The following HECTD4 variants were observed in gnomAD, a reference collection of about 807,000 sequenced individuals.
HECTD4 encodes the protein probable E3 ubiquitin-protein ligase HECTD4.
HECTD4 carries 114 observed loss-of-function variants against 471.5 expected under a neutral mutation model. That is an observed-to-expected ratio of 0.24 (90% CI 0.21 to 0.28). The LOEUF is 0.28. HECTD4 is among the 10% of genes least tolerant of loss of function. The pLI is 1.00. For missense variants in HECTD4, 3,866 were observed against 5,651.5 expected (o/e 0.68, Z 10.13); for synonymous variants, 2,012 against 2,256.0 (o/e 0.89, Z 3.07).
In HECTD4 at chr12:112,259,316, G is replaced by A. The variant is rs1216351686; in HGVS notation, c.2874-51C>T. ...CAGCCTAAGCAATGCCCAAACATGT[G>A]AAGAAGCACTAATGTCATCTTTATC... On this transcript the variant is annotated intron_variant, in intron 18 of 75. Transcript: ENST00000682272. The A allele has an allele frequency of 1.9e-6, 3 of 1,583,822 alleles. No homozygotes were observed. In the African/African-American group the frequency reaches 4.1e-5, roughly 21 times the overall value.
chr12:112,359,053 G>C (rs1464468142), intron 1 of HECTD4, among the ~76,000 whole-genome samples: 1 of 152,104 alleles, frequency 6.6e-6, no homozygotes, highest in Non-Finnish European at 1.5e-5. Context: ...GCGGATGCCT[G>C]TAGTCCCAGC....
intron 7 of HECTD4, among the ~76,000 whole-genome samples, chr12:112,283,817 G>A (rs2034692848): frequency 6.6e-6 from 1 of 152,176 alleles, no homozygotes; most frequent in South Asian, 2.1e-4. Flanking sequence ...ACTTCAACTG[G>A]ATCTTTGCTG....
chr12:112,204,757 G>A (rs1409442575), intron 52 of HECTD4, 134 bp from the exon 53 acceptor site: 15 of 705,666 alleles, frequency 2.1e-5, no homozygotes, highest in Non-Finnish European at 1.9e-5. Context: ...ACCCTTTGGC[G>A]AAGGAAATTG....
intron 5 of HECTD4, 144 bp from the exon 6 acceptor site, chr12:112,309,035 T>A: frequency 1.1e-6 from 1 of 870,504 alleles, no homozygotes; most frequent in Non-Finnish European, 1.7e-6. Context: ...GTGAATGTAT[T>A]ACATTAACTT....
chr12:112,311,680 T>A (rs2035375294), intron 4 of HECTD4, among the ~76,000 whole-genome samples: 1 of 150,812 alleles, frequency 6.6e-6, no homozygotes, highest in Admixed American at 6.6e-5. Context: ...GAAAACCATT[T>A]CTCCCTAGAT....
Position 112,184,548 on chromosome 12 carries a change from G to T in HECTD4, c.10418C>A (p.Thr3473Lys), listed in dbSNP as rs199505291. Reference protein sequence around the residue: ...FPGTDSMEVSTSSSLTPAMSI... With the variant: ...FPGTDSMEVSKSSSLTPAMSI... ...CATGGCGGGGGTCAGGCTGCTGGAC[G>T]TGCTGACCTCCATGCTGTCTGTGCC... Residue 3473 changes from threonine (T) to lysine (K), a missense_variant, in exon 61 of 76, where the codon ACG becomes AAG. By Grantham distance (78) the Thr-to-Lys change is moderately conservative. Transcript: ENST00000682272. This position sits in a 1 kb window ranked among gnomAD's most constrained non-coding sequence, Gnocchi z 9.1. 2.5e-6 allele frequency: 4 copies of T among 1,612,576 alleles called. No individual in the cohort carries two copies. Among genetic ancestry groups the T allele is most frequent in the Non-Finnish European group, 2.5e-6 (3 of 1,179,808 alleles).
At chr12:112,227,132 C>T (rs1380950411) in intron 43 of HECTD4, among the ~76,000 whole-genome samples, 1 of 152,186 alleles carries the variant, frequency 6.6e-6, no homozygotes, top group African/African-American at 2.4e-5. Flanking sequence ...ATCGCTCTCA[C>T]CTGATTCAAA....
chr12:112,217,017 G>A lies in HECTD4; in HGVS notation c.7236+17C>T, dbSNP rs752452143. 1 of 1,589,318 alleles carries A rather than the reference G, an allele frequency of 6.3e-7. No homozygotes were observed. The highest frequency in any genetic ancestry group is 8.6e-7 in the Non-Finnish European group (1 of 1,162,932). Reference sequence around the variant, plus strand: ...AATCTGAAGATGCAAAAGACAGTGTGTCATGTGATGTCTCACCTGAACTGG... The same window carrying A: ...AATCTGAAGATGCAAAAGACAGTGTATCATGTGATGTCTCACCTGAACTGG... On this transcript the variant is annotated intron_variant, in intron 46 of 75. Coordinates refer to ENST00000682272, the MANE Select transcript of HECTD4 (RefSeq NM_001388303.1).
intron 65 of HECTD4, 109 bp from the exon 66 acceptor site, chr12:112,175,968 A>G (rs1398845314): frequency 7.4e-7 from 1 of 1,350,596 alleles, no homozygotes; most frequent in Non-Finnish European, 1.0e-6. Context: ...CAACCCATCT[A>G]ATTCCCCTCT....
At chr12:112,242,418 G>A (rs1313786612) in intron 32 of HECTD4, among the ~76,000 whole-genome samples, 1 of 151,400 alleles carries the variant, frequency 6.6e-6, no homozygotes, top group East Asian at 2.0e-4. Flanking sequence ...TTTGAGACCA[G>A]CCTGGGCAAC....
rs747421304 is a variant in HECTD4, at chr12:112,185,381, A to G, written c.9585T>C (p.Ala3195=). The change falls in exon 61 of 76, where the codon GCT becomes GCC. Residue 3195 remains alanine (A), a synonymous_variant. Transcript: ENST00000682272. ...VHTLEQRRHP[A]GLSSSIALQL... ...GGAGGGCGATTGAGGAGGACAGGCC[A>G]GCGGGGTGCCGCCTCTGCTCCAGGG... is the stretch of plus-strand genomic sequence containing the variant. 1.1e-5 allele frequency: 17 copies of G among 1,611,558 alleles called. No homozygotes were observed. Among genetic ancestry groups the G allele is most frequent in the African/African-American group, 1.3e-5 (1 of 74,922 alleles).
intron 1 of HECTD4, chr12:112,322,190 C>T (rs1042324872): frequency 6.6e-6 from 1 of 150,826 alleles, no homozygotes; most frequent in Non-Finnish European, 1.5e-5. Flanking sequence ...ACTTTTCCAA[C>T]AATGAGGCAG....
At position 112,185,365 on chromosome 12, in the gene HECTD4, T is replaced by C; in HGVS notation, c.9601A>G (p.Ile3201Val). 1 of 1,609,252 alleles carries C rather than the reference T, an allele frequency of 6.2e-7. No individual in the cohort carries two copies. Among genetic ancestry groups the C allele is most frequent in the Non-Finnish European group, 8.5e-7 (1 of 1,178,282 alleles). The change falls in exon 61 of 76, where the codon ATC becomes GTC. Residue 3201 changes from isoleucine (I) to valine (V), a missense_variant. Physicochemically the swap from Ile to Val is conservative, Grantham distance 29. Coordinates refer to ENST00000682272, the MANE Select transcript of HECTD4 (RefSeq NM_001388303.1). ...RRHPAGLSSS[I>V]ALQLNPCLAM... ...AGGCAGGGGTTCAGCTGGAGGGCGATTGAGGAGGACAGGCCAGCGGGGTGC... is the reference window on the plus strand; with the variant it reads ...AGGCAGGGGTTCAGCTGGAGGGCGACTGAGGAGGACAGGCCAGCGGGGTGC...
chr12:112,234,356 G>A (rs1045963176), intron 37 of HECTD4, among the ~76,000 whole-genome samples: 5 of 152,116 alleles, frequency 3.3e-5, no homozygotes, highest in East Asian at 1.9e-4. Flanking sequence ...CCATAATCCC[G>A]CTTAGTTTAC....
chr12:112,327,462 T>A (rs555263870), intron 1 of HECTD4, among the ~76,000 whole-genome samples: 1 of 152,222 alleles, frequency 6.6e-6, no homozygotes, highest in Non-Finnish European at 1.5e-5. Context: ...GAAAGCAGTA[T>A]AAAAATTGCA....
intron 7 of HECTD4, chr12:112,302,257 T>G: frequency 1.8e-6 from 2 of 1,136,318 alleles, no homozygotes; most frequent in Admixed American, 1.9e-5. Context: ...TGTTAACTCC[T>G]GCTCGAAGGG....
chr12:112,249,448 A>G (rs982961994), intron 25 of HECTD4: 1 of 152,194 alleles, frequency 6.6e-6, no homozygotes, highest in African/African-American at 2.4e-5. Flanking sequence ...CTAAGAAAAG[A>G]TCTTCAGCAG....
chr12:112,324,086 C>T, intron 1 of HECTD4, among the ~76,000 whole-genome samples: 1 of 84,180 alleles, frequency 1.2e-5, no homozygotes, highest in Admixed American at 1.5e-4. Flanking sequence ...TTCTTTCTTT[C>T]TTTCTTTCTT....
chr12:112,267,272 G>A (rs1054308937), intron 13 of HECTD4: 4 of 343,276 alleles, frequency 1.2e-5, no homozygotes, highest in African/African-American at 2.1e-5. Context: ...AAGGGTATAC[G>A]AGTAGCTGCG....
Sources: allele counts gnomAD v4.1 joint callset (sites outside exome capture counted in the v4.1 genomes callset), GRCh38; gene constraint gnomAD v4.1.1; non-coding constraint Gnocchi (gnomAD v3.1); transcripts MANE v1.5; gene names NCBI Gene and HGNC (gene_info 2026-07-23, HGNC 2026-07-21).